NHS: variants seen among roughly 807,000 people sequenced by gnomAD.
NHS encodes the protein NHS actin remodeling regulator.
NHS carries 5 observed loss-of-function variants against 72.5 expected under a neutral mutation model. That is an observed-to-expected ratio of 0.07 (90% CI 0.04 to 0.14). The LOEUF (loss-of-function observed/expected upper bound fraction) is 0.14, where lower values mean the gene tolerates loss of function less well. Ranked by LOEUF, NHS falls within the 10% of genes least tolerant of loss-of-function variation. The pLI, the probability that NHS is intolerant of heterozygous loss-of-function variation, is 1.00. For synonymous variants in NHS, 464 were observed against 547.7 expected (o/e 0.85, Z 2.13); for missense variants, 1,072 against 1,355.7 (o/e 0.79, Z 3.29).
At chrX:17,393,631 T>C (rs1027256464) in intron 1 of NHS, among the ~76,000 whole-genome samples, 1 of 112,240 alleles carries the variant, frequency 8.9e-6, no homozygotes, top group Non-Finnish European at 1.9e-5. Context: ...GGAAGAGTGA[T>C]GAGTTCTCTA....
chrX:17,616,756 T>G (rs780771670), intron 1 of NHS, among the ~76,000 whole-genome samples: 7 of 112,549 alleles, frequency 6.2e-5, no homozygotes, highest in Non-Finnish European at 1.3e-4. Context: ...TATTTAAAAT[T>G]TTCCCAATAA....
chrX:17,644,920 C>T (rs1300326587), intron 1 of NHS, among the ~76,000 whole-genome samples: 4 of 110,987 alleles, frequency 3.6e-5, no homozygotes, highest in Admixed American at 2.9e-4. Flanking sequence ...TATAAAATAG[C>T]GTCTCTCAAG....
At chrX:17,416,459 T>C (rs1370972775) in intron 1 of NHS, among the ~76,000 whole-genome samples, 1 of 112,164 alleles carries the variant, frequency 8.9e-6, no homozygotes, top group Admixed American at 9.5e-5. Context: ...TCTTCTCTTT[T>C]TCACTGCAAA....
At chrX:17,544,033 T>G (rs1465145075) in intron 1 of NHS, among the ~76,000 whole-genome samples, 1 of 112,634 alleles carries the variant, frequency 8.9e-6, no homozygotes, top group Non-Finnish European at 1.9e-5. Flanking sequence ...AGATAATATT[T>G]TCTTTCAATC....
In NHS at chrX:17,375,884, C is replaced by T. The variant is rs1486316948; in HGVS notation, c.127C>T (p.Arg43Trp). Residue 43 changes from arginine to tryptophan, a missense_variant, in exon 1 of 9, where the codon CGG becomes TGG. Arg to Trp is a moderately radical substitution (Grantham distance 101, BLOSUM62 -3). Coordinates refer to ENST00000676302, the MANE Select transcript of NHS (RefSeq NM_001291867.2). ...GCCGCCGCCCTTGCAGCCGCCGGGC[C>T]GGAGGGACCTGGACGAGGTCGAGGC... ...EPPPPLQPPG[R>W]RDLDEVEAPG... 1.8e-6 allele frequency: 2 copies of T among 1,107,534 alleles called. No homozygotes were observed. Among genetic ancestry groups the T allele is most frequent in the Non-Finnish European group, 1.2e-6 (1 of 852,806 alleles). The allele number at this position is 1,107,534 out of a possible 1,213,427, so 91.3% of individuals were successfully genotyped here. A position where few individuals can be genotyped will look rare whatever the true frequency, so the allele number is the denominator to read the frequency against.
chrX:17,603,449 A>T (rs2065662596), intron 1 of NHS, among the ~76,000 whole-genome samples: 1 of 111,939 alleles, frequency 8.9e-6, no homozygotes, highest in Admixed American at 9.4e-5. Context: ...CTTCATTTGG[A>T]GATACTGAAT....
chrX:17,475,094 G>C (rs2064910465), intron 1 of NHS, among the ~76,000 whole-genome samples: 1 of 111,736 alleles, frequency 8.9e-6, no homozygotes, highest in South Asian at 3.7e-4. Flanking sequence ...GAGAATAGAA[G>C]GATGAATCAA....
At chrX:17,716,266 A>G (rs1478606173) in intron 3 of NHS, among the ~76,000 whole-genome samples, 1 of 112,032 alleles carries the variant, frequency 8.9e-6, no homozygotes, top group Non-Finnish European at 1.9e-5. Flanking sequence ...CTACTGGAAA[A>G]AATATTCAAC....
intron 1 of NHS, among the ~76,000 whole-genome samples, chrX:17,504,901 A>G (rs2065049791): frequency 8.9e-6 from 1 of 112,286 alleles, no homozygotes; most frequent in Admixed American, 9.5e-5. Context: ...ATAAAATAAA[A>G]TGAAATGTGA....
chrX:17,503,163 G>A (rs921939864), intron 1 of NHS, among the ~76,000 whole-genome samples: 2 of 112,499 alleles, frequency 1.8e-5, no homozygotes, highest in Non-Finnish European at 3.8e-5. Flanking sequence ...TTTCTAGAAG[G>A]GAAAGTGTTA....
At chrX:17,698,758 T>C (rs989036248) in intron 3 of NHS, among the ~76,000 whole-genome samples, 10 of 111,489 alleles carry the variant, frequency 9.0e-5, no homozygotes, top group African/African-American at 2.6e-4. Flanking sequence ...ATGGGATTTA[T>C]TCTAGGAATG....
At chrX:17,635,542 T>A (rs977289617) in intron 1 of NHS, 51 of 1,165,887 alleles carry the variant, frequency 4.4e-5, no homozygotes, top group Middle Eastern at 4.7e-4. Flanking sequence ...GGCCCTTCCT[T>A]AAGGAGCAGA....
At chrX:17,623,413 C>T (rs1001984250) in intron 1 of NHS, among the ~76,000 whole-genome samples, 1 of 111,690 alleles carries the variant, frequency 9.0e-6, no homozygotes, top group Non-Finnish European at 1.9e-5. Context: ...GTGGTGGAGT[C>T]GTGCTAGACA....
At chrX:17,430,267 CTTT>C (rs2064684270) in intron 1 of NHS, among the ~76,000 whole-genome samples, 6 of 33,833 alleles carry the variant, frequency 1.8e-4, no homozygotes, top group South Asian at 3.4e-3. Flanking sequence ...CTTTTTCTTT[CTTT>C]CTTTCTTTCT....
chrX:17,435,742 G>A (rs945628397), intron 1 of NHS, among the ~76,000 whole-genome samples: 4 of 112,702 alleles, frequency 3.5e-5, no homozygotes, highest in South Asian at 3.7e-4. Context: ...GCTAGTGAGC[G>A]GAGTTACAAA....
At chrX:17,660,139 C>T (rs993239552) in intron 1 of NHS, among the ~76,000 whole-genome samples, 1 of 112,258 alleles carries the variant, frequency 8.9e-6, no homozygotes, top group African/African-American at 3.2e-5. Context: ...GATTGAGCTA[C>T]TCAGCTAGTG....
intron 1 of NHS, among the ~76,000 whole-genome samples, chrX:17,572,490 G>GATTTT (rs1291622950): frequency 1.7e-5 from 1 of 59,454 alleles, no homozygotes; most frequent in African/African-American, 1.9e-4. Flanking sequence ...TGCAACCCCT[G>GATTTT]CTTTTTTTTT....
chrX:17,390,460 G>A lies in NHS; in HGVS notation c.565+14138G>A, dbSNP rs181720480. 9.1e-3 allele frequency among the ~76,000 whole-genome samples: 946 copies of A among 103,800 alleles called. 13 individuals carry two copies. Among genetic ancestry groups the A allele is most frequent in the African/African-American group, 0.032 (899 of 28,400 alleles). 90.1% of individuals were successfully genotyped at this position (103,800 alleles called of 115,157 possible). A position where few individuals can be genotyped will look rare whatever the true frequency, so the allele number is the denominator to read the frequency against. Reference sequence around the variant, plus strand: ...GTTTGATTCTAGAGATTAACTTCAAGAAGTGCATCATGAAGTGCAGCAGGA... The same window carrying A: ...GTTTGATTCTAGAGATTAACTTCAAAAAGTGCATCATGAAGTGCAGCAGGA... On this transcript the variant is annotated intron_variant, in intron 1 of 8. Transcript: ENST00000676302.
At chrX:17,718,906 GAGGAA>G (rs1375940745) in intron 3 of NHS, among the ~76,000 whole-genome samples, 1 of 92,656 alleles carries the variant, frequency 1.1e-5, no homozygotes. Context: ...AAAGAAGGAA[GAGGAA>G]AGGAAGGAAG....
Sources: allele counts gnomAD v4.1 joint callset (sites outside exome capture counted in the v4.1 genomes callset), GRCh38; gene constraint gnomAD v4.1.1; transcripts MANE v1.5; gene names NCBI Gene and HGNC (gene_info 2026-07-23, HGNC 2026-07-21).